AFG2A: variants seen among roughly 807,000 people sequenced by gnomAD.
The protein encoded by AFG2A is ATPase family gene 2 protein homolog A.
chr4:122,958,708 A>C, the AFG2A span, among the ~76,000 whole-genome samples: 1 of 152,162 alleles, frequency 6.6e-6, no homozygotes. Context: ...TGCTGGTGCT[A>C]ATGCGGCTGA....
chr4:122,981,087 A>G, the AFG2A span, among the ~76,000 whole-genome samples: 1 of 152,106 alleles, frequency 6.6e-6, no homozygotes, highest in East Asian at 1.9e-4. Context: ...CCCATGCCAT[A>G]AGGCTTTTCC....
the AFG2A span, among the ~76,000 whole-genome samples, chr4:123,251,926 A>C: frequency 6.6e-6 from 1 of 152,140 alleles, no homozygotes; most frequent in East Asian, 1.9e-4. Flanking sequence ...TATATATTTG[A>C]TAGACAATCA....
chr4:123,316,585 G>A, the AFG2A span: 1 of 152,164 alleles, frequency 6.6e-6, no homozygotes, highest in African/African-American at 2.4e-5. Context: ...AAGAAAATAA[G>A]AGGAAAACTT....
the AFG2A span, among the ~76,000 whole-genome samples, chr4:123,013,960 C>T: frequency 6.6e-6 from 1 of 152,116 alleles, no homozygotes; most frequent in Admixed American, 6.5e-5. Context: ...CTCATTTAAA[C>T]ATTTTTACTA....
the AFG2A span, chr4:123,314,271 C>T: frequency 2.7e-6 from 1 of 372,578 alleles, no homozygotes; most frequent in Non-Finnish European, 4.7e-6. Context: ...ATCAGTTTTA[C>T]CTGGAAATTT....
the AFG2A span, among the ~76,000 whole-genome samples, chr4:123,024,171 A>G: frequency 2.6e-4 from 39 of 151,912 alleles, no homozygotes; most frequent in Non-Finnish European, 4.6e-4. Context: ...GTACAATAAC[A>G]ATAATGAGAA....
the AFG2A span, chr4:122,936,275 G>T: frequency 1.9e-6 from 1 of 534,218 alleles, no homozygotes. Flanking sequence ...GATAGTGGTA[G>T]AAGTAGATTA....
chr4:122,946,009 G>A, the AFG2A span, among the ~76,000 whole-genome samples: 1 of 152,150 alleles, frequency 6.6e-6, no homozygotes, highest in Admixed American at 6.5e-5. Context: ...TGATTCTCAG[G>A]TTATAAAGTT....
At chr4:123,208,480 A>C in the AFG2A span, among the ~76,000 whole-genome samples, 1 of 152,230 alleles carries the variant, frequency 6.6e-6, no homozygotes, top group Non-Finnish European at 1.5e-5. Context: ...TGTCAAAACT[A>C]TTATAAAAAT....
At chr4:123,140,450 A>G in the AFG2A span, among the ~76,000 whole-genome samples, 4 of 151,700 alleles carry the variant, frequency 2.6e-5, no homozygotes, top group African/African-American at 7.3e-5. Flanking sequence ...TATTGAGTCA[A>G]TGCTTCACAC....
chr4:122,984,011 C>T, the AFG2A span, among the ~76,000 whole-genome samples: 1 of 152,286 alleles, frequency 6.6e-6, no homozygotes, highest in East Asian at 1.9e-4. Flanking sequence ...CTTCTTCTGA[C>T]AGAGCCTACC....
chr4:123,256,715 C>A, the AFG2A span: 4 of 985,338 alleles, frequency 4.1e-6, no homozygotes, highest in Non-Finnish European at 3.6e-6. Context: ...TAAAAGGGAC[C>A]ATCTGCCCTT....
At chr4:123,059,620 G>A in the AFG2A span, among the ~76,000 whole-genome samples, 12 of 151,276 alleles carry the variant, frequency 7.9e-5, no homozygotes, top group Non-Finnish European at 1.6e-4. Context: ...ACATACGTGT[G>A]CATGTGTCTT....
At chr4:122,933,569 G>C in the AFG2A span, 1 of 1,201,362 alleles carries the variant, frequency 8.3e-7, no homozygotes, top group Non-Finnish European at 1.2e-6. Flanking sequence ...GTGTCTTTGA[G>C]GGCTTATATA....
At chr4:123,013,663 G>A in the AFG2A span, among the ~76,000 whole-genome samples, 1 of 152,142 alleles carries the variant, frequency 6.6e-6, no homozygotes, top group Non-Finnish European at 1.5e-5. Flanking sequence ...TTAAAACCTA[G>A]ATGATGGGTT....
the AFG2A span, chr4:122,927,851 G>A: frequency 6.6e-7 from 1 of 1,510,756 alleles, no homozygotes; most frequent in Non-Finnish European, 9.0e-7. Context: ...GAGTGCCATG[G>A]TAGTCAAAGG....
the AFG2A span, among the ~76,000 whole-genome samples, chr4:123,313,206 T>TC: frequency 7.9e-5 from 12 of 152,270 alleles, no homozygotes; most frequent in East Asian, 1.9e-3. Context: ...CTCCTCCCTC[T>TC]GCATCCATTC....
chr4:123,028,452 C>A, the AFG2A span: 30 of 1,408,450 alleles, frequency 2.1e-5, no homozygotes, highest in Non-Finnish European at 2.9e-5. Flanking sequence ...AACCCCCATT[C>A]TCTGACTCCT....
chr4:123,285,087 C>T, the AFG2A span, among the ~76,000 whole-genome samples: 3 of 152,066 alleles, frequency 2.0e-5, no homozygotes, highest in Non-Finnish European at 2.9e-5. Context: ...ACTCATAATT[C>T]GCTTCTCAAA....
Sources: gnomAD v4.1 joint callset for allele counts (sites outside exome capture counted in the v4.1 genomes callset) on GRCh38, gnomAD v4.1.1 for gene constraint, MANE v1.5 for transcripts, NCBI Gene and HGNC (gene_info 2026-07-23, HGNC 2026-07-21) for gene names.